Variants in UBR4 observed in about 807,000 individuals in gnomAD.
UBR4 encodes E3 ubiquitin-protein ligase UBR4.
A neutral mutation model predicts 575.6 loss-of-function variants in UBR4; 124 were observed. The ratio of observed to expected loss-of-function variants is 0.22; its 90% CI spans 0.19 to 0.25. The LOEUF (loss-of-function observed/expected upper bound fraction) is 0.25, where lower values mean the gene tolerates loss of function less well. Among genes scored for constraint, UBR4 ranks in the 10% least tolerant of loss-of-function variants. UBR4 has a pLI of 1.00. For synonymous variants in UBR4, 2,455 were observed against 2,473.7 expected, an observed-to-expected ratio of 0.99 and a Z score of 0.22; for missense variants, 4,818 against 6,478.8, an observed-to-expected ratio of 0.74 and a Z score of 8.80.
chr1:19,200,257 C>T (rs908721737), intron 2 of UBR4, among the ~76,000 whole-genome samples: 22 of 148,708 alleles, frequency 1.5e-4, no homozygotes, highest in African/African-American at 5.4e-4. Context: ...GTAACAATAG[C>T]TGATGAGCTT....
At chr1:19,090,205 A>G (rs1019312345) in intron 97 of UBR4, among the ~76,000 whole-genome samples, 1 of 152,062 alleles carries the variant, frequency 6.6e-6, no homozygotes, top group Non-Finnish European at 1.5e-5. Flanking sequence ...TCCAAATCCC[A>G]TTTATTCTTC....
chr1:19,186,517 A>G (rs762129628), intron 14 of UBR4, 23 bp downstream of exon 14: 2 of 1,597,764 alleles, frequency 1.3e-6, no homozygotes, highest in Non-Finnish European at 1.7e-6. Flanking sequence ...TATCTCTGGG[A>G]GAGAGAAAAG....
At chr1:19,080,272 A>G (rs1383293631) in intron 103 of UBR4, 1 of 152,136 alleles carries the variant, frequency 6.6e-6, no homozygotes, top group Non-Finnish European at 1.5e-5. Context: ...ATCTAACAAG[A>G]CGCCCCCTCC....
intron 66 of UBR4, 106 bp downstream of exon 66, chr1:19,122,727 T>TCAA (rs1167158736): frequency 7.9e-7 from 1 of 1,267,438 alleles, no homozygotes; most frequent in Non-Finnish European, 1.1e-6. Flanking sequence ...CATGCCATTG[T>TCAA]CAACACAGTT....
intron 90 of UBR4, among the ~76,000 whole-genome samples, chr1:19,098,971 A>G (rs999224676): frequency 6.6e-6 from 1 of 152,192 alleles, no homozygotes; most frequent in African/African-American, 2.4e-5. Context: ...AGAAACAGGA[A>G]GAGAGGAATG....
rs762035112 is a variant in UBR4, at chr1:19,177,631, C to T, written c.2467G>A (p.Glu823Lys). 1.1e-5 allele frequency: 17 copies of T among 1,613,846 alleles called. No individual in the cohort carries two copies. Among genetic ancestry groups the T allele is most frequent in the East Asian group, 2.2e-5 (1 of 44,874 alleles). ...GACAATATGGCCCGCCGGCCTGTCTCGGTGAAATTGTGGAAAATGAGGAGG... is the reference window on the plus strand; with the variant it reads ...GACAATATGGCCCGCCGGCCTGTCTTGGTGAAATTGTGGAAAATGAGGAGG... ...MLLLIFHNFT[E>K]TGRRAILSLF... The change falls in exon 19 of 106, where the codon GAG becomes AAG. Residue 823 changes from glutamate (E) to lysine (K), a missense_variant. This residue lies in a region of UBR4 where 1,172 missense variants were observed against 1,259.7 expected (regional missense o/e 0.93). Coordinates refer to ENST00000375254, the MANE Select transcript of UBR4 (RefSeq NM_020765.3).
chr1:19,150,535 G>C, intron 49 of UBR4, 42 bp downstream of exon 49: 1 of 1,595,848 alleles, frequency 6.3e-7, no homozygotes, highest in South Asian at 1.1e-5. Flanking sequence ...GCAGTGAGTG[G>C]AATATGTAAA....
Position 19,093,919 on chromosome 1 carries a change from A to G in UBR4, c.13937+30T>C. ...GTTCGGCGTTTTAGTGGAGACTCTC[A>G]TTTCACTATATGAAATCAAAGTAAC... On this transcript the variant is annotated intron_variant, in intron 95 of 105. Coordinates refer to ENST00000375254, the MANE Select transcript of UBR4 (RefSeq NM_020765.3). This position sits in a 1 kb window ranked among gnomAD's most constrained non-coding sequence, Gnocchi z 4.8. 1 of 1,595,858 alleles carries G rather than the reference A, an allele frequency of 6.3e-7. No individual in the cohort carries two copies. Among genetic ancestry groups the G allele is most frequent in the Admixed American group, 1.7e-5 (1 of 59,038 alleles).
Position 19,210,167 on chromosome 1 carries a change from C to G in UBR4, c.82G>C (p.Gly28Arg). 6.5e-7 allele frequency: 1 copy of G among 1,549,742 alleles called. No homozygotes were observed. Among genetic ancestry groups the G allele is most frequent in the Non-Finnish European group, 8.7e-7 (1 of 1,151,982 alleles). The change falls in exon 1 of 106, where the codon GGC (glycine) becomes CGC (arginine). Residue 28 changes from glycine to arginine, a missense_variant. Gly to Arg is a moderately radical substitution (Grantham distance 125, BLOSUM62 -2). Around this residue, in one of 29 missense-constraint regions of UBR4, gnomAD observed 95 missense variants for 87.7 expected, o/e 1.08. Transcript: ENST00000375254. The stretch of plus-strand genomic sequence containing the variant: ...AGGGGCCGCACAGCCACCTCCCAGC[C>G]CGGGGTCGTGTCCGCCCCCGTTGCC... ...TPATGADTTPGWEVAVRPLLS... is the reference protein window; with the variant it reads ...TPATGADTTPRWEVAVRPLLS...
Position 19,113,968 on chromosome 1 carries a change from C to T in UBR4, c.11305G>A (p.Glu3769Lys), listed in dbSNP as rs778105713. 6.2e-7 allele frequency: 1 copy of T among 1,614,238 alleles called. No homozygotes were observed. The highest frequency in any genetic ancestry group is 8.5e-7 in the Non-Finnish European group (1 of 1,180,036). ...ACCTGTGGCTTTTCTGGAGCTGCCT[C>T]ATTCACTTTGCAGAGCAGGTTCTCC... ...QLENLLCKVN[E>K]AAPEKPQDDS... Residue 3769 changes from glutamate to lysine, a missense_variant, in exon 76 of 106, where the codon GAG becomes AAG. Transcript: ENST00000375254.
At chr1:19,159,158 C>G (rs1278142055) in intron 39 of UBR4, among the ~76,000 whole-genome samples, 1 of 152,042 alleles carries the variant, frequency 6.6e-6, no homozygotes, top group Admixed American at 6.6e-5. Flanking sequence ...AAAAAGAAAG[C>G]CAATTTATGA....
At chr1:19,208,927 C>T (rs1413559025) in intron 1 of UBR4, among the ~76,000 whole-genome samples, 1 of 152,138 alleles carries the variant, frequency 6.6e-6, no homozygotes, top group Non-Finnish European at 1.5e-5. Flanking sequence ...ATATTTGAAA[C>T]CTGTTTACAT....
At chr1:19,195,096 T>C (rs1257897380) in intron 8 of UBR4, among the ~76,000 whole-genome samples, 1 of 148,898 alleles carries the variant, frequency 6.7e-6, no homozygotes, top group Non-Finnish European at 1.5e-5. Context: ...CCGTCTCTAC[T>C]AAAAATACAA....
intron 60 of UBR4, among the ~76,000 whole-genome samples, chr1:19,136,099 A>T (rs578110469): frequency 2.0e-5 from 3 of 152,352 alleles, no homozygotes; most frequent in African/African-American, 7.2e-5. Flanking sequence ...CATCAAAAAT[A>T]CATCCCCAAA....
chr1:19,208,602 G>A (rs1029533235), intron 1 of UBR4, among the ~76,000 whole-genome samples: 1 of 151,358 alleles, frequency 6.6e-6, no homozygotes, highest in Non-Finnish European at 1.5e-5. Flanking sequence ...TTGATTATTT[G>A]TACAAACAGA....
chr1:19,164,578 A>G (rs1430327140), intron 32 of UBR4, 137 bp from the exon 33 acceptor site: 3 of 1,161,042 alleles, frequency 2.6e-6, no homozygotes, highest in Non-Finnish European at 3.6e-6. Context: ...CTAGTAGAGC[A>G]TAAAACATTC....
intron 11 of UBR4, among the ~76,000 whole-genome samples, chr1:19,189,201 G>C (rs1168812250): frequency 6.6e-6 from 1 of 151,768 alleles, no homozygotes; most frequent in Non-Finnish European, 1.5e-5. Context: ...AGAGAGCATG[G>C]GGAAATGGGC....
intron 81 of UBR4, among the ~76,000 whole-genome samples, chr1:19,108,633 G>A (rs1358218377): frequency 6.6e-6 from 1 of 152,038 alleles, no homozygotes; most frequent in South Asian, 2.1e-4. Flanking sequence ...AACTGCACAG[G>A]GCCACCGCCT....
chr1:19,125,863 A>T (rs745880498), intron 64 of UBR4, among the ~76,000 whole-genome samples: 2 of 152,176 alleles, frequency 1.3e-5, no homozygotes, highest in Non-Finnish European at 2.9e-5. Flanking sequence ...GCATTGATAC[A>T]TGCTAGGCAT....
Sources: gnomAD v4.1 joint callset for allele counts (sites outside exome capture counted in the v4.1 genomes callset) on GRCh38, gnomAD v4.1.1 for gene constraint, gnomAD v4.1.1 regional missense constraint, Gnocchi (gnomAD v3.1) non-coding constraint, MANE v1.5 for transcripts, NCBI Gene and HGNC (gene_info 2026-07-23, HGNC 2026-07-21) for gene names.